IGSF11: variants seen among roughly 807,000 people sequenced by gnomAD.
IGSF11 encodes CXADR like 1.
Under a neutral mutation model 41.0 loss-of-function variants are expected in IGSF11, and 22 were observed. The ratio of observed to expected loss-of-function variants is 0.54; its 90% CI spans 0.38 to 0.77. The LOEUF (loss-of-function observed/expected upper bound fraction) is 0.77. Ranked by LOEUF, IGSF11 falls within the 30% of genes least tolerant of loss-of-function variation. The probability of loss-of-function intolerance (pLI) is 0.00; values close to 1 mark genes in which losing one functional copy is unlikely to be tolerated. For synonymous variants in IGSF11, 219 were observed against 201.3 expected (o/e 1.09, Z -0.74); for missense variants, 444 against 530.8 (o/e 0.84, Z 1.61).
At chr3:119,024,624 C>G (rs1331412096) in intron 1 of IGSF11, among the ~76,000 whole-genome samples, 1 of 152,148 alleles carries the variant, frequency 6.6e-6, no homozygotes, top group Non-Finnish European at 1.5e-5. Context: ...AACCATACTC[C>G]TCCATAGCTT....
intron 1 of IGSF11, among the ~76,000 whole-genome samples, chr3:119,121,580 C>T (rs1228680918): frequency 1.3e-5 from 2 of 151,928 alleles, no homozygotes; most frequent in African/African-American, 4.8e-5. Flanking sequence ...ATACAAGAAA[C>T]TACCAAGTAT....
chr3:119,050,967 AG>A (rs1203146010), intron 1 of IGSF11, among the ~76,000 whole-genome samples: 1 of 123,544 alleles, frequency 8.1e-6, no homozygotes, highest in African/African-American at 3.1e-5. Context: ...GGACACAGGA[AG>A]GGGAACATCA....
intron 1 of IGSF11, among the ~76,000 whole-genome samples, chr3:118,991,646 C>T (rs1935801497): frequency 6.6e-6 from 1 of 152,142 alleles, no homozygotes; most frequent in Non-Finnish European, 1.5e-5. Context: ...CATTATTAGC[C>T]TCTGCCTTTG....
At chr3:119,121,351 G>C in intron 1 of IGSF11, among the ~76,000 whole-genome samples, 1 of 152,006 alleles carries the variant, frequency 6.6e-6, no homozygotes, top group East Asian at 1.9e-4. Context: ...ATAAAGGATA[G>C]GAATAATGAG....
intron 1 of IGSF11, among the ~76,000 whole-genome samples, chr3:118,941,249 T>G (rs529082647): frequency 6.6e-6 from 1 of 152,142 alleles, no homozygotes; most frequent in African/African-American, 2.4e-5. Context: ...AGTTCTTGTA[T>G]TTATAATATC....
At chr3:118,952,387 C>A (rs1384614537) in intron 1 of IGSF11, among the ~76,000 whole-genome samples, 1 of 152,144 alleles carries the variant, frequency 6.6e-6, no homozygotes, top group African/African-American at 2.4e-5. Flanking sequence ...ACAGCAGAAA[C>A]TCTTTCAAAA....
rs577180251 is a variant in IGSF11 at position 118,917,143 on chromosome 3, C to T, written c.580+8958G>A. Among the ~76,000 whole-genome samples the T allele has an allele frequency of 3.3e-3, 501 of 150,174 alleles. 3 individuals are homozygous for T. Among genetic ancestry groups the T allele is most frequent in the African/African-American group, 0.011 (449 of 40,822 alleles). On this transcript the variant is annotated intron_variant, in intron 4 of 6. Transcript: ENST00000393775. ...GGAAATTTATAGCACTAAATGCCCACAAGAGAAAGCAGGAAAGATCCAAAA... is the reference window on the plus strand; with the variant it reads ...GGAAATTTATAGCACTAAATGCCCATAAGAGAAAGCAGGAAAGATCCAAAA...
chr3:119,046,146 A>C (rs1941340629), intron 1 of IGSF11, among the ~76,000 whole-genome samples: 1 of 150,908 alleles, frequency 6.6e-6, no homozygotes, highest in East Asian at 1.9e-4. Flanking sequence ...TGGATGGAGA[A>C]TGACTTTGAC....
At chr3:119,112,366 G>T (rs2077181848) in intron 1 of IGSF11, among the ~76,000 whole-genome samples, 1 of 152,162 alleles carries the variant, frequency 6.6e-6, no homozygotes, top group Non-Finnish European at 1.5e-5. Flanking sequence ...CTAGCAATCA[G>T]CGAGACTCTG....
chr3:119,043,049 G>A (rs562713617), intron 1 of IGSF11, among the ~76,000 whole-genome samples: 66 of 152,294 alleles, frequency 4.3e-4, no homozygotes, highest in African/African-American at 1.4e-3. Context: ...AGCTCTATTA[G>A]AAGCTGTGGG....
At position 118,902,508 on chromosome 3, in the gene IGSF11, T is replaced by G; in HGVS notation, c.*12A>C. The stretch of plus-strand genomic sequence containing the variant: ...CATTTATTCATTTCTGAACACAACA[T>G]TTCCTCATGTCCTATACCAAGGACC... On this transcript the variant is annotated 3_prime_UTR_variant, in exon 7 of 7. Coordinates refer to ENST00000393775, the MANE Select transcript of IGSF11 (RefSeq NM_001015887.3). 1 of 1,321,522 alleles carries G rather than the reference T, an allele frequency of 7.6e-7. No individual in the cohort carries two copies. The highest frequency in any genetic ancestry group is 2.1e-4 in the Middle Eastern group (1 of 4,668). 81.9% of individuals were successfully genotyped at this position (1,321,522 alleles called of 1,614,324 possible).
intron 1 of IGSF11, among the ~76,000 whole-genome samples, chr3:118,959,404 C>T (rs1253563481): frequency 6.6e-6 from 1 of 152,116 alleles, no homozygotes; most frequent in East Asian, 1.9e-4. Flanking sequence ...GAAGAATAAA[C>T]AGCAAGGAAG....
rs1171799029 is a variant in IGSF11, at chr3:118,917,918, T to A, written c.580+8183A>T. On this transcript the variant is annotated intron_variant, in intron 4 of 6. Coordinates refer to ENST00000393775, the MANE Select transcript of IGSF11 (RefSeq NM_001015887.3). Reference sequence around the variant, plus strand: ...AAAAAGCTTATCCACCATGATCAAGTGGGCTTCATCCCTGGGATGCAAGGC... The same window carrying A: ...AAAAAGCTTATCCACCATGATCAAGAGGGCTTCATCCCTGGGATGCAAGGC... Among the ~76,000 whole-genome samples, 17 of 124,558 alleles carry A rather than the reference T, an allele frequency of 1.4e-4. No individual in the cohort carries two copies. The Admixed American group carries it at 1.4e-3, about 10-fold the overall frequency. The allele number at this position is 124,558 out of a possible 152,430, so 81.7% of individuals were successfully genotyped here.
intron 1 of IGSF11, among the ~76,000 whole-genome samples, chr3:118,968,112 T>C (rs1041198127): frequency 2.6e-5 from 4 of 152,222 alleles, no homozygotes; most frequent in African/African-American, 9.6e-5. Context: ...TCAGATGCAT[T>C]ATATATTTTT....
intron 1 of IGSF11, among the ~76,000 whole-genome samples, chr3:118,987,427 A>C (rs1300799317): frequency 6.6e-6 from 1 of 152,222 alleles, no homozygotes; most frequent in Non-Finnish European, 1.5e-5. Context: ...TCAGGGCTTC[A>C]AGCTCAGGAG....
intron 1 of IGSF11, among the ~76,000 whole-genome samples, chr3:118,944,457 TACACACACACACACACACACACACACAC>T (rs3079206): frequency 1.2e-4 from 15 of 125,738 alleles, no homozygotes; most frequent in Middle Eastern, 3.6e-3. Flanking sequence ...TAGCTTGAAA[TACACACACACACACACACACACACACAC>T]ACACACACAC....
At chr3:118,931,764 C>T (rs1369019635) in intron 1 of IGSF11, among the ~76,000 whole-genome samples, 3 of 144,816 alleles carry the variant, frequency 2.1e-5, no homozygotes, top group African/African-American at 7.7e-5. Flanking sequence ...GAGACAGTCT[C>T]GCTCTGTTGC....
At chr3:119,096,685 A>G (rs776754032) in intron 1 of IGSF11, among the ~76,000 whole-genome samples, 2 of 152,212 alleles carry the variant, frequency 1.3e-5, no homozygotes, top group African/African-American at 4.8e-5. Context: ...CACAGTGGGA[A>G]AAGACTAGAA....
At position 118,928,600 on chromosome 3, in the gene IGSF11, CTGAG is replaced by C. The variant is rs1309118527; in HGVS notation, c.329_332del (p.Thr110SerfsTer18). 6.2e-7 allele frequency: 1 copy of C among 1,614,042 alleles called. No homozygotes were observed. The highest frequency in any genetic ancestry group is 8.5e-7 in the Non-Finnish European group (1 of 1,179,972). On this transcript the variant is annotated frameshift_variant, in exon 3 of 7. Transcript: ENST00000393775. LOFTEE classifies it high-confidence loss of function. ...ACTGGTAGGTGCCAGTGTCTGATAACTGAGTGTTATTAATGAAGATAGAGACATT... is the reference window on the plus strand; with the variant it reads ...ACTGGTAGGTGCCAGTGTCTGATAACTGTTATTAATGAAGATAGAGACATT...
Sources: gnomAD v4.1 joint callset for allele counts (sites outside exome capture counted in the v4.1 genomes callset) on GRCh38, gnomAD v4.1.1 for gene constraint, MANE v1.5 for transcripts, NCBI Gene and HGNC (gene_info 2026-07-23, HGNC 2026-07-21) for gene names.